Variants in MYO3A observed in about 807,000 individuals in gnomAD.
MYO3A encodes myosin IIIA.
In MYO3A, 180 loss-of-function variants were observed where a neutral mutation model predicts 192.7. That is an observed-to-expected ratio of 0.93 (90% CI 0.83 to 1.06). The LOEUF (loss-of-function observed/expected upper bound fraction) is 1.06, where lower values mean the gene tolerates loss of function less well. Ranked by LOEUF, MYO3A falls within the 50% of genes least tolerant of loss-of-function variation. The probability of loss-of-function intolerance (pLI) is 0.00; values close to 1 mark genes in which losing one functional copy is unlikely to be tolerated. For missense variants in MYO3A, 1,896 were observed against 1,905.0 expected, an observed-to-expected ratio of 1.00 and a Z score of 0.09; for synonymous variants, 628 against 645.3, an observed-to-expected ratio of 0.97 and a Z score of 0.41.
chr10:26,153,711 C>T, intron 23 of MYO3A, 139 bp from the exon 24 acceptor site: 1 of 607,676 alleles, frequency 1.6e-6, no homozygotes, highest in East Asian at 3.0e-5. Context: ...CTAAGTTCCT[C>T]CATAAATAGT....
intron 14 of MYO3A, among the ~76,000 whole-genome samples, chr10:26,074,870 G>A (rs1288813219): frequency 6.6e-6 from 1 of 151,836 alleles, no homozygotes; most frequent in African/African-American, 2.4e-5. Flanking sequence ...TTTATAGTTT[G>A]TAGTCTGATA....
rs578062234 is a variant in MYO3A, at chr10:25,944,423, G to A, written c.-17-7671G>A. 3.7e-4 allele frequency among the ~76,000 whole-genome samples: 56 copies of A among 152,148 alleles called. 2 individuals are homozygous for A. The South Asian group carries it at 0.01, about 28-fold the overall frequency. ...AATGCTGGCCTCATAGTATGAGTTA[G>A]GAAGTGTGCCCTCTTTTTAATATTT... is the stretch of plus-strand genomic sequence containing the variant. On this transcript the variant is annotated intron_variant, in intron 2 of 34. Transcript: ENST00000642920.
intron 32 of MYO3A, among the ~76,000 whole-genome samples, chr10:26,198,055 G>A (rs1843501682): frequency 6.6e-6 from 1 of 152,060 alleles, no homozygotes. Context: ...GTACTCTCAG[G>A]GGCTGTTGAG....
chr10:25,976,744 T>C (rs1838986304), intron 4 of MYO3A, among the ~76,000 whole-genome samples: 1 of 152,128 alleles, frequency 6.6e-6, no homozygotes, highest in South Asian at 2.1e-4. Flanking sequence ...CTAAGGTCTA[T>C]TTTAGCATTG....
At chr10:25,965,963 C>T (rs567532683) in intron 4 of MYO3A, among the ~76,000 whole-genome samples, 5,078 of 142,248 alleles carry the variant, frequency 0.036, 321 homozygotes, top group African/African-American at 0.14. Flanking sequence ...TTTTTTTTCT[C>T]TCTCTCTCTC....
chr10:26,081,133 T>TCCCCCCCCTTCCCCCCCCC (rs1835906244), intron 14 of MYO3A, among the ~76,000 whole-genome samples: 1 of 84,940 alleles, frequency 1.2e-5, no homozygotes, highest in African/African-American at 4.2e-5. Context: ...TATATGCCCT[T>TCCCCCCCCTTCCCCCCCCC]CCCCCCCCCC....
At position 26,088,239 on chromosome 10, in the gene MYO3A, G is replaced by A. The variant is rs1337526929; in HGVS notation, c.1396G>A (p.Val466Met). The change falls in exon 15 of 35, where the codon GTG (valine) becomes ATG (methionine). Residue 466 changes from valine (V) to methionine (M), a missense_variant. Physicochemically the swap from Val to Met is conservative, Grantham distance 21. Coordinates refer to ENST00000642920, the MANE Select transcript of MYO3A (RefSeq NM_017433.5). ...NRTLQEKILQ[V>M]NNLVEAFGNA... is the part of the protein sequence containing the mutation. ...AACCTTGCAAGAGAAGATTTTACAA[G>A]TGAACAATTTGGTAGAAGCCTTTGG... 5.0e-6 allele frequency: 8 copies of A among 1,612,610 alleles called. No homozygotes were observed. The highest frequency in any genetic ancestry group is 6.8e-6 in the Non-Finnish European group (8 of 1,179,418).
chr10:26,092,612 T>C (rs748679746), intron 15 of MYO3A, among the ~76,000 whole-genome samples: 62 of 152,242 alleles, frequency 4.1e-4, no homozygotes, highest in Admixed American at 8.5e-4. Flanking sequence ...AGGCCTTGGC[T>C]GCACAGGTAA....
chr10:26,170,265 A>T, intron 28 of MYO3A, 151 bp from the exon 29 acceptor site: 1 of 789,434 alleles, frequency 1.3e-6, no homozygotes, highest in South Asian at 1.8e-5. Context: ...CTTGTTAATG[A>T]ATCACATTTT....
chr10:26,157,613 T>A lies in MYO3A; in HGVS notation c.2999+98T>A. ...TAATATGAAAAAATCTTTAGAGGTC[T>A]AGGAGGGAGGCATTTTGTTCATGCA... On this transcript the variant is annotated intron_variant, in intron 26 of 34. Coordinates refer to ENST00000642920, the MANE Select transcript of MYO3A (RefSeq NM_017433.5). 2.3e-6 allele frequency: 3 copies of A among 1,294,770 alleles called. No homozygotes were observed. In the South Asian group the frequency reaches 3.8e-5, roughly 16 times the overall value. 80.2% of individuals were successfully genotyped at this position (1,294,770 alleles called of 1,614,324 possible). A position where few individuals can be genotyped will look rare whatever the true frequency, so the allele number is the denominator to read the frequency against.
At chr10:26,081,274 T>A (rs1226699989) in intron 14 of MYO3A, among the ~76,000 whole-genome samples, 3 of 151,730 alleles carry the variant, frequency 2.0e-5, no homozygotes, top group African/African-American at 4.8e-5. Flanking sequence ...GATTCCCAGG[T>A]CACTGGAGTT....
At chr10:25,963,524 G>A (rs903518173) in intron 4 of MYO3A, among the ~76,000 whole-genome samples, 11 of 152,154 alleles carry the variant, frequency 7.2e-5, no homozygotes, top group Non-Finnish European at 4.4e-5. Flanking sequence ...AAGCCTTTGC[G>A]GACTTGTATA....
rs551116546 is a variant in MYO3A, at chr10:26,176,219, G to A, written c.4294-482G>A. ...TGAGGCAGGAGAATGGCGTGAACCC[G>A]GGAGGCGGAGCTTGCAGTGAGCGGA... is the stretch of plus-strand genomic sequence containing the variant. On this transcript the variant is annotated intron_variant, in intron 30 of 34. Coordinates refer to ENST00000642920, the MANE Select transcript of MYO3A (RefSeq NM_017433.5). Among the ~76,000 whole-genome samples, 7 of 152,114 alleles carry A rather than the reference G, an allele frequency of 4.6e-5. No homozygotes were observed. In the South Asian group the frequency reaches 8.3e-4, roughly 18 times the overall value.
At chr10:26,197,538 C>T (rs57780045) in intron 32 of MYO3A, among the ~76,000 whole-genome samples, 4,005 of 152,204 alleles carry the variant, frequency 0.026, 181 homozygotes, top group African/African-American at 0.091. Flanking sequence ...CATTTTTCTC[C>T]GCTGCATTTT....
rs114105469 is a variant in MYO3A, at chr10:26,130,324, T to C, written c.2262+1786T>C. 6.9e-3 allele frequency among the ~76,000 whole-genome samples: 1,057 copies of C among 152,238 alleles called. 13 individuals carry two copies. The highest frequency in any genetic ancestry group is 0.024 in the African/African-American group (992 of 41,538). On this transcript the variant is annotated intron_variant, in intron 20 of 34. Transcript: ENST00000642920. ...TTTCACCATTTTGGCCAGGGTGGTC[T>C]TGAAATCCTGGGCTCAGGCTCAGCA... is the stretch of plus-strand genomic sequence containing the variant.
chr10:25,959,382 G>A (rs774483633), intron 4 of MYO3A, among the ~76,000 whole-genome samples: 3 of 152,082 alleles, frequency 2.0e-5, no homozygotes, highest in Non-Finnish European at 2.9e-5. Flanking sequence ...ATGAGATAAA[G>A]CAATAAAAAC....
At chr10:26,180,222 A>G (rs767534557) in intron 31 of MYO3A, among the ~76,000 whole-genome samples, 24 of 152,240 alleles carry the variant, frequency 1.6e-4, no homozygotes, top group Non-Finnish European at 2.4e-4. Context: ...GACTGTCCAC[A>G]TAATACATAT....
chr10:26,168,166 C>T (rs552964681), intron 27 of MYO3A, among the ~76,000 whole-genome samples: 1 of 152,308 alleles, frequency 6.6e-6, no homozygotes, highest in South Asian at 2.1e-4. Context: ...GCCTTATTCT[C>T]TTCACTGACA....
chr10:25,983,389 G>A (rs937816674), intron 4 of MYO3A, among the ~76,000 whole-genome samples: 1 of 151,794 alleles, frequency 6.6e-6, no homozygotes, highest in African/African-American at 2.4e-5. Context: ...CCTAGTAGCT[G>A]GGACTACAGG....
Sources: gnomAD v4.1 joint callset for allele counts (sites outside exome capture counted in the v4.1 genomes callset) on GRCh38, gnomAD v4.1.1 for gene constraint, MANE v1.5 for transcripts, NCBI Gene and HGNC (gene_info 2026-07-23, HGNC 2026-07-21) for gene names.